SLC9A8: variants seen among roughly 807,000 people sequenced by gnomAD.
SLC9A8 encodes solute carrier family 9 member A8, also known as sodium/hydrogen exchanger 8.
Under a neutral mutation model 66.6 loss-of-function variants are expected in SLC9A8, and 48 were observed. That is an observed-to-expected ratio of 0.72 (90% CI 0.57 to 0.92). The LOEUF is 0.92. SLC9A8 is among the 40% of genes least tolerant of loss of function. The probability of loss-of-function intolerance (pLI) is 0.00; values close to 1 mark genes in which losing one functional copy is unlikely to be tolerated. For synonymous variants in SLC9A8, 274 were observed against 282.6 expected, an observed-to-expected ratio of 0.97 and a Z score of 0.31; for missense variants, 599 against 747.3, an observed-to-expected ratio of 0.80 and a Z score of 2.31.
Position 49,864,768 on chromosome 20 carries a change from G to A in SLC9A8, c.882G>A (p.Thr294=), listed in dbSNP as rs763653482. The A allele has an allele frequency of 6.2e-6, 10 of 1,614,112 alleles. No homozygotes were observed. In the East Asian group the frequency reaches 1.6e-4, roughly 25 times the overall value. ...LVLKHIDLRK[T]PSLEFGMMII... The stretch of plus-strand genomic sequence containing the variant: ...TGAAGCATATTGACTTGAGGAAAAC[G>A]CCTTCCTTGGAGTTTGGCATGATGA... The change falls in exon 10 of 16, where the codon ACG becomes ACA. Residue 294 remains threonine (T), a synonymous_variant. Coordinates refer to ENST00000361573, the MANE Select transcript of SLC9A8 (RefSeq NM_015266.3).
intron 7 of SLC9A8, among the ~76,000 whole-genome samples, chr20:49,854,370 A>G (rs1308820092): frequency 6.9e-6 from 1 of 145,516 alleles, no homozygotes; most frequent in Non-Finnish European, 1.5e-5. Flanking sequence ...GCTTGCTCCC[A>G]CCGCAGGAGT....
rs1308008774 is a variant in SLC9A8, at chr20:49,884,225, C to CG, written c.1491+159_1491+160insG. On this transcript the variant is annotated intron_variant, in intron 14 of 15. Transcript: ENST00000361573. ...ACACACACACACACACACACACACACACACACACACACACACGACACACAC... is the reference window on the plus strand; with the variant it reads ...ACACACACACACACACACACACACACGACACACACACACACACGACACACAC... 7.1e-3 allele frequency: 1,635 copies of CG among 230,208 alleles called. 5 individuals carry two copies. Among genetic ancestry groups the CG allele is most frequent in the Non-Finnish European group, 1.0e-2 (1,225 of 122,996 alleles). The allele number at this position is 230,208 out of a possible 1,614,324, so 14.3% of individuals were successfully genotyped here.
chr20:49,887,703 C>A, intron 15 of SLC9A8, 126 bp from the exon 16 acceptor site: 1 of 654,732 alleles, frequency 1.5e-6, no homozygotes, highest in East Asian at 2.9e-5. Context: ...CTGAAGTTGC[C>A]TGTGGCCATC....
At position 49,888,711 on chromosome 20, in the gene SLC9A8, C is replaced by T. The variant is rs2089975445; in HGVS notation, c.*775C>T. 6.6e-6 allele frequency: 1 copy of T among 152,600 alleles called. No homozygotes were observed. Among genetic ancestry groups the T allele is most frequent in the Non-Finnish European group, 1.5e-5 (1 of 68,066 alleles). 9.5% of individuals were successfully genotyped at this position (152,600 alleles called of 1,614,324 possible). A position where few individuals can be genotyped will look rare whatever the true frequency, so the allele number is the denominator to read the frequency against. ...GCTAGAGGCACAGGGTTTCTGCCGG[C>T]CCACAACTGCTGTCTTGATTTGCAT... On this transcript the variant is annotated 3_prime_UTR_variant, in exon 16 of 16. Coordinates refer to ENST00000361573, the MANE Select transcript of SLC9A8 (RefSeq NM_015266.3).
chr20:49,845,239 T>C, intron 5 of SLC9A8, 120 bp downstream of exon 5: 1 of 726,598 alleles, frequency 1.4e-6, no homozygotes. Context: ...TGCTCCTTCC[T>C]GGTTGTGCTC....
At chr20:49,840,906 C>G (rs1207048696) in intron 4 of SLC9A8, among the ~76,000 whole-genome samples, 1 of 150,824 alleles carries the variant, frequency 6.6e-6, no homozygotes, top group Non-Finnish European at 1.5e-5. Flanking sequence ...CACCTGAGCT[C>G]AGGAGCTCGA....
At chr20:49,846,031 G>A (rs1049504542) in intron 5 of SLC9A8, among the ~76,000 whole-genome samples, 4 of 152,034 alleles carry the variant, frequency 2.6e-5, no homozygotes, top group African/African-American at 9.7e-5. Flanking sequence ...GACGGACGGG[G>A]TTTTACCATG....
intron 1 of SLC9A8, among the ~76,000 whole-genome samples, chr20:49,813,927 A>G (rs1355112345): frequency 2.6e-5 from 4 of 152,208 alleles, no homozygotes; most frequent in Non-Finnish European, 5.9e-5. Flanking sequence ...GGCAAGTCCA[A>G]AAGTCATCTC....
intron 7 of SLC9A8, among the ~76,000 whole-genome samples, chr20:49,851,531 C>T (rs767165015): frequency 7.9e-5 from 12 of 152,346 alleles, no homozygotes; most frequent in Non-Finnish European, 1.5e-4. Flanking sequence ...GGTCTTGTGA[C>T]ATGGCTGGGG....
At chr20:49,858,095 T>C (rs1000333067) in intron 8 of SLC9A8, among the ~76,000 whole-genome samples, 2 of 152,220 alleles carry the variant, frequency 1.3e-5, no homozygotes, top group Non-Finnish European at 2.9e-5. Flanking sequence ...AATAGGCTTA[T>C]ACCCCAAATA....
intron 13 of SLC9A8, 69 bp from the exon 14 acceptor site, chr20:49,883,777 C>A: frequency 1.5e-6 from 2 of 1,337,176 alleles, no homozygotes; most frequent in Non-Finnish European, 2.1e-6. Context: ...GGCTGGATTT[C>A]CAGGGAAGCC....
At chr20:49,874,854 C>T (rs751979389) in intron 11 of SLC9A8, 33 bp downstream of exon 11, 1 of 1,399,934 alleles carries the variant, frequency 7.1e-7, no homozygotes, top group Non-Finnish European at 1.0e-6. Context: ...CGTGAGCAGG[C>T]CCACCCAGAG....
intron 8 of SLC9A8, among the ~76,000 whole-genome samples, chr20:49,860,108 G>T (rs938707735): frequency 2.0e-5 from 3 of 152,164 alleles, no homozygotes; most frequent in South Asian, 4.1e-4. Context: ...CACTGTATGT[G>T]TGTGACCTGC....
intron 3 of SLC9A8, among the ~76,000 whole-genome samples, chr20:49,833,660 C>T (rs918213828): frequency 6.6e-6 from 1 of 152,068 alleles, no homozygotes; most frequent in Admixed American, 6.6e-5. Flanking sequence ...AGGATGCACC[C>T]GAGCCAACGG....
intron 11 of SLC9A8, among the ~76,000 whole-genome samples, chr20:49,876,212 C>A (rs1381422147): frequency 1.2e-4 from 18 of 152,064 alleles, no homozygotes; most frequent in Admixed American, 1.2e-3. Context: ...TATTCCTGGG[C>A]CAGAGGGTAT....
Position 49,884,250 on chromosome 20 carries a change from C to CG in SLC9A8, c.1491+184_1491+185insG, listed in dbSNP as rs1568883576. ...CACACACACACACACACGACACACA[C>CG]ACACACACGACACACACACACACGA... On this transcript the variant is annotated intron_variant, in intron 14 of 15. Coordinates refer to ENST00000361573, the MANE Select transcript of SLC9A8 (RefSeq NM_015266.3). 654 of 325,992 alleles carry CG rather than the reference C, an allele frequency of 2.0e-3. 6 individuals carry two copies. Among genetic ancestry groups the CG allele is most frequent in the Middle Eastern group, 3.4e-3 (4 of 1,176 alleles). 20.2% of individuals were successfully genotyped at this position (325,992 alleles called of 1,614,324 possible). A position where few individuals can be genotyped will look rare whatever the true frequency, so the allele number is the denominator to read the frequency against.
At chr20:49,844,565 C>T (rs539825366) in intron 4 of SLC9A8, among the ~76,000 whole-genome samples, 4 of 142,360 alleles carry the variant, frequency 2.8e-5, no homozygotes, top group African/African-American at 1.0e-4. Flanking sequence ...GGGAGGATTG[C>T]TTGAGGCTAG....
At chr20:49,853,561 G>C (rs972201495) in intron 7 of SLC9A8, among the ~76,000 whole-genome samples, 1 of 152,218 alleles carries the variant, frequency 6.6e-6, no homozygotes, top group East Asian at 1.9e-4. Flanking sequence ...TGGTGCAAGG[G>C]CCTGGGGACC....
intron 3 of SLC9A8, among the ~76,000 whole-genome samples, chr20:49,828,073 A>ATTTTTT (rs58366162): frequency 3.7e-5 from 3 of 81,522 alleles, no homozygotes; most frequent in Admixed American, 1.3e-4. Flanking sequence ...CCAAAAAAAA[A>ATTTTTT]TTTTTTTTTT....
Sources: allele counts gnomAD v4.1 joint callset (sites outside exome capture counted in the v4.1 genomes callset), GRCh38; gene constraint gnomAD v4.1.1; transcripts MANE v1.5; gene names NCBI Gene and HGNC (gene_info 2026-07-23, HGNC 2026-07-21).